Variants in RABGAP1L observed in about 807,000 individuals in gnomAD.
The protein encoded by RABGAP1L is rab GTPase-activating protein 1-like.
RABGAP1L carries 63 observed loss-of-function variants against 137.7 expected under a neutral mutation model. That is an observed-to-expected ratio of 0.46 (90% CI 0.37 to 0.56). The LOEUF (loss-of-function observed/expected upper bound fraction) is 0.56. RABGAP1L is among the 20% of genes least tolerant of loss of function. The probability of loss-of-function intolerance (pLI) is 0.00; values close to 1 mark genes in which losing one functional copy is unlikely to be tolerated. For missense variants in RABGAP1L, 1,095 were observed against 1,244.0 expected, an observed-to-expected ratio of 0.88 and a Z score of 1.80; for synonymous variants, 431 against 433.7, an observed-to-expected ratio of 0.99 and a Z score of 0.08.
At chr1:174,213,796 C>T (rs558223107) in intron 1 of RABGAP1L, among the ~76,000 whole-genome samples, 3 of 152,242 alleles carry the variant, frequency 2.0e-5, no homozygotes, top group African/African-American at 7.2e-5. Context: ...AACATCGCTT[C>T]GTGATAAAAA....
intron 1 of RABGAP1L, among the ~76,000 whole-genome samples, chr1:174,194,621 A>C (rs1467545044): frequency 6.6e-6 from 1 of 152,172 alleles, no homozygotes; most frequent in Non-Finnish European, 1.5e-5. Context: ...TTGGCTCTGC[A>C]TTGCCCCCAG....
chr1:174,596,795 G>C (rs575475525), intron 13 of RABGAP1L, among the ~76,000 whole-genome samples: 1 of 152,148 alleles, frequency 6.6e-6, no homozygotes, highest in Non-Finnish European at 1.5e-5. Flanking sequence ...TCTTGTTCCA[G>C]ATCTTGGAGG....
At chr1:174,733,352 C>T (rs908550757) in intron 17 of RABGAP1L, among the ~76,000 whole-genome samples, 7 of 152,192 alleles carry the variant, frequency 4.6e-5, no homozygotes, top group African/African-American at 1.4e-4. Flanking sequence ...GTGGTCCCAT[C>T]CCTCCCAGAT....
At chr1:174,587,875 A>AT (rs1276780067) in intron 13 of RABGAP1L, among the ~76,000 whole-genome samples, 2 of 152,038 alleles carry the variant, frequency 1.3e-5, no homozygotes, top group Non-Finnish European at 1.5e-5. Flanking sequence ...TTTATTTATT[A>AT]TTTTTTGAAA....
At chr1:174,504,203 G>A (rs1661608263) in intron 13 of RABGAP1L, among the ~76,000 whole-genome samples, 1 of 151,732 alleles carries the variant, frequency 6.6e-6, no homozygotes, top group Admixed American at 6.6e-5. Context: ...CAACTCTTGA[G>A]CTCAAGTGAT....
intron 19 of RABGAP1L, among the ~76,000 whole-genome samples, chr1:174,873,766 C>T (rs1447244082): frequency 6.6e-6 from 1 of 152,112 alleles, no homozygotes; most frequent in Non-Finnish European, 1.5e-5. Flanking sequence ...ACCTCGTCCT[C>T]CTAAAGTGCT....
chr1:174,420,677 G>GTTTTTTTTTT (rs67587872), intron 13 of RABGAP1L, among the ~76,000 whole-genome samples: 1 of 133,992 alleles, frequency 7.5e-6, no homozygotes, highest in Non-Finnish European at 1.6e-5. Context: ...TGGGTGTTTT[G>GTTTTTTTTTT]TTTTTTTTTT....
At chr1:174,162,354 G>T (rs1407348018) in intron 1 of RABGAP1L, among the ~76,000 whole-genome samples, 5 of 152,164 alleles carry the variant, frequency 3.3e-5, no homozygotes, top group Non-Finnish European at 7.4e-5. Context: ...CAGCATTGAA[G>T]CAGAAAGTCC....
chr1:174,423,406 C>T (rs1215562727), intron 13 of RABGAP1L, among the ~76,000 whole-genome samples: 1 of 152,150 alleles, frequency 6.6e-6, no homozygotes, highest in East Asian at 1.9e-4. Context: ...CTTTTGGCAG[C>T]ATCTGATGTC....
At chr1:174,722,920 A>T (rs568360410) in intron 17 of RABGAP1L, among the ~76,000 whole-genome samples, 1 of 152,302 alleles carries the variant, frequency 6.6e-6, no homozygotes, top group East Asian at 1.9e-4. Flanking sequence ...TTTTGGCCTC[A>T]GCCAATATGT....
At chr1:174,415,575 A>G (rs1277568820) in intron 13 of RABGAP1L, among the ~76,000 whole-genome samples, 1 of 152,074 alleles carries the variant, frequency 6.6e-6, no homozygotes, top group East Asian at 1.9e-4. Flanking sequence ...AGACAGCATC[A>G]TGACGCTTCT....
At chr1:174,270,172 G>A (rs938847064) in intron 7 of RABGAP1L, among the ~76,000 whole-genome samples, 2 of 151,060 alleles carry the variant, frequency 1.3e-5, no homozygotes, top group Non-Finnish European at 2.9e-5. Flanking sequence ...CTTTCTCTAA[G>A]GTCATGCTGG....
intron 11 of RABGAP1L, among the ~76,000 whole-genome samples, chr1:174,320,768 G>C (rs1033753218): frequency 6.6e-6 from 1 of 152,092 alleles, no homozygotes; most frequent in Non-Finnish European, 1.5e-5. Context: ...CATCATCTTC[G>C]TAAGCTGAGG....
chr1:174,827,661 A>G (rs1691721097), intron 19 of RABGAP1L, among the ~76,000 whole-genome samples: 1 of 106,198 alleles, frequency 9.4e-6, no homozygotes, highest in African/African-American at 2.9e-5. Context: ...AAACTCTCAG[A>G]TGATCTAAAA....
chr1:174,646,610 G>A (rs1674988089), intron 14 of RABGAP1L, among the ~76,000 whole-genome samples: 1 of 152,058 alleles, frequency 6.6e-6, no homozygotes, highest in Admixed American at 6.6e-5. Context: ...TTTCGTTACT[G>A]TAGCCTTGTA....
At chr1:174,456,077 A>T (rs1571891755) in intron 13 of RABGAP1L, among the ~76,000 whole-genome samples, 1 of 152,134 alleles carries the variant, frequency 6.6e-6, no homozygotes, top group Non-Finnish European at 1.5e-5. Flanking sequence ...AAGAAATTCT[A>T]TGTGAATTTT....
intron 19 of RABGAP1L, among the ~76,000 whole-genome samples, chr1:174,928,856 A>C (rs1454661981): frequency 6.6e-6 from 1 of 152,138 alleles, no homozygotes; most frequent in Non-Finnish European, 1.5e-5. Context: ...ACCCTGGAGT[A>C]TCTCTCTGGC....
Position 174,874,578 on chromosome 1 carries a change from C to CT in RABGAP1L, c.2340+62643dup, listed in dbSNP as rs10530813. On this transcript the variant is annotated intron_variant, in intron 19 of 25. Transcript: ENST00000681986. Reference sequence around the variant, plus strand: ...CTCAGGTAATTCTCCACACCACTGCCTTTTTTTTTTTTTTTTTTTTTTTTT... The same window carrying CT: ...CTCAGGTAATTCTCCACACCACTGCCTTTTTTTTTTTTTTTTTTTTTTTTTT... 4.7e-3 allele frequency: 1,088 copies of CT among 232,238 alleles called. 4 individuals carry two copies. The highest frequency in any genetic ancestry group is 0.013 in the African/African-American group (267 of 19,902). The allele number at this position is 232,238 out of a possible 1,614,324, so 14.4% of individuals were successfully genotyped here.
intron 18 of RABGAP1L, among the ~76,000 whole-genome samples, chr1:174,770,648 A>T (rs1204333935): frequency 6.6e-6 from 1 of 152,230 alleles, no homozygotes; most frequent in Admixed American, 6.5e-5. Context: ...TTTGTGAGCA[A>T]AATAAGTACT....
Sources: allele counts gnomAD v4.1 joint callset (sites outside exome capture counted in the v4.1 genomes callset), GRCh38; gene constraint gnomAD v4.1.1; transcripts MANE v1.5; gene names NCBI Gene and HGNC (gene_info 2026-07-23, HGNC 2026-07-21).